The following VWA3B variants were observed in gnomAD, a reference collection of about 807,000 sequenced individuals.
The protein encoded by VWA3B is von Willebrand factor A domain containing 3B.
Under a neutral mutation model 158.3 loss-of-function variants are expected in VWA3B, and 138 were observed. The ratio of observed to expected loss-of-function variants is 0.87; its 90% confidence interval spans 0.76 to 1.00. The LOEUF (loss-of-function observed/expected upper bound fraction) is 1.00. Ranked by LOEUF, VWA3B falls within the 50% of genes least tolerant of loss-of-function variation. The pLI is 0.00. For missense variants in VWA3B, 1,555 were observed against 1,565.1 expected (o/e 0.99, Z 0.11); for synonymous variants, 596 against 587.3 (o/e 1.01, Z -0.21).
chr2:98,215,308 G>A (rs1443976264), intron 13 of VWA3B, among the ~76,000 whole-genome samples: 1 of 151,516 alleles, frequency 6.6e-6, no homozygotes, highest in Non-Finnish European at 1.5e-5. Context: ...GGGCCTGGTG[G>A]CGTGCGCCTG....
rs200133181 is a variant in VWA3B, at chr2:98,133,840, G to T, written c.889G>T (p.Glu297Ter). The T allele has an allele frequency of 6.2e-7, 1 of 1,614,048 alleles. No homozygotes were observed. Among genetic ancestry groups the T allele is most frequent in the South Asian group, 1.1e-5 (1 of 91,070 alleles). Residue 297 changes from glutamate to a stop codon, truncating the protein, a stop_gained, in exon 7 of 28, where the codon GAG becomes TAG. Transcript: ENST00000477737. LOFTEE classifies it high-confidence loss of function. ...ACGTTTCAGATTCCACGCATTTGCC[G>T]AGAGAACAGAGTGTGTAGAATTTCC... ...KTHSRFHAFA[E>*]RTECVEFPAF...
At chr2:98,213,816 T>C (rs1295719358) in intron 13 of VWA3B, among the ~76,000 whole-genome samples, 1 of 152,086 alleles carries the variant, frequency 6.6e-6, no homozygotes. Context: ...CAAGGTGTAT[T>C]TTTCTTTTTA....
At position 98,161,542 on chromosome 2, in the gene VWA3B, C is replaced by T. The variant is rs76184854; in HGVS notation, c.989-1309C>T. On this transcript the variant is annotated intron_variant, in intron 7 of 27. Transcript: ENST00000477737. ...AGACAGAAGGATGTGCTGAGATGAC[C>T]GAGGAGCAGGATAGAAAGAGTGTGG... Among the ~76,000 whole-genome samples, 389 of 152,188 alleles carry T rather than the reference C, an allele frequency of 2.6e-3. 3 individuals carry two copies. Among genetic ancestry groups the T allele is most frequent in the African/African-American group, 8.6e-3 (358 of 41,532 alleles).
intron 1 of VWA3B, among the ~76,000 whole-genome samples, chr2:98,092,366 T>C (rs916681871): frequency 1.3e-5 from 2 of 152,334 alleles, no homozygotes; most frequent in South Asian, 4.1e-4. Context: ...AAATTCCAGC[T>C]GGGCGCAGTG....
intron 19 of VWA3B, among the ~76,000 whole-genome samples, chr2:98,249,132 G>T (rs1470823127): frequency 6.6e-6 from 1 of 152,002 alleles, no homozygotes; most frequent in Admixed American, 6.5e-5. Flanking sequence ...TGACAGTATA[G>T]CTTGGCATTT....
intron 6 of VWA3B, among the ~76,000 whole-genome samples, chr2:98,129,222 A>AGTGTGTGT (rs1447456836): frequency 4.5e-5 from 5 of 110,400 alleles, no homozygotes; most frequent in South Asian, 2.8e-4. Flanking sequence ...AGAGAGAGAG[A>AGTGTGTGT]GAGTGTGTGT....
At position 98,250,303 on chromosome 2, in the gene VWA3B, G is replaced by A. The variant is rs1310140752; in HGVS notation, c.2674-15G>A. 2 of 1,600,012 alleles carry A rather than the reference G, an allele frequency of 1.2e-6. No homozygotes were observed. Among genetic ancestry groups the A allele is most frequent in the South Asian group, 2.2e-5 (2 of 89,038 alleles). ...ATCAAGTGACACTTTCCTTTCCTTTGCCATTGACATGCAGGTGTTCCCTCT... is the reference window on the plus strand; with the variant it reads ...ATCAAGTGACACTTTCCTTTCCTTTACCATTGACATGCAGGTGTTCCCTCT... On this transcript the variant is annotated splice_polypyrimidine_tract_variant and intron_variant, in intron 19 of 27. Transcript: ENST00000477737.
At chr2:98,197,106 C>G (rs1022596627) in intron 12 of VWA3B, among the ~76,000 whole-genome samples, 4 of 152,216 alleles carry the variant, frequency 2.6e-5, no homozygotes, top group South Asian at 2.1e-4. Flanking sequence ...TTAGTCTCTT[C>G]CAATCTGTGA....
At chr2:98,225,861 A>G (rs1447926592) in intron 14 of VWA3B, among the ~76,000 whole-genome samples, 1 of 152,274 alleles carries the variant, frequency 6.6e-6, no homozygotes, top group East Asian at 1.9e-4. Flanking sequence ...ATAAGATGAA[A>G]TATTTATGCA....
intron 21 of VWA3B, among the ~76,000 whole-genome samples, chr2:98,263,574 T>C (rs2105853798): frequency 6.6e-6 from 1 of 152,126 alleles, no homozygotes; most frequent in South Asian, 2.1e-4. Flanking sequence ...ATCCTTGCAT[T>C]CCAGGAATGA....
At chr2:98,208,241 A>T (rs554376304) in intron 12 of VWA3B, among the ~76,000 whole-genome samples, 1 of 152,060 alleles carries the variant, frequency 6.6e-6, no homozygotes, top group Non-Finnish European at 1.5e-5. Flanking sequence ...CCTTTAACCT[A>T]TCTACGTTGT....
intron 7 of VWA3B, among the ~76,000 whole-genome samples, chr2:98,159,716 T>A (rs771653065): frequency 6.6e-6 from 1 of 151,870 alleles, no homozygotes; most frequent in Non-Finnish European, 1.5e-5. Flanking sequence ...ACCTTGACAG[T>A]CAAGATACAT....
At chr2:98,262,384 C>A (rs2105849430) in intron 21 of VWA3B, among the ~76,000 whole-genome samples, 2 of 151,902 alleles carry the variant, frequency 1.3e-5, no homozygotes, top group African/African-American at 4.8e-5. Context: ...AGCTTTATCC[C>A]TGTTTTCTTC....
chr2:98,190,722 C>T (rs1009022023), intron 10 of VWA3B, among the ~76,000 whole-genome samples: 6 of 152,090 alleles, frequency 3.9e-5, no homozygotes, highest in African/African-American at 1.4e-4. Context: ...AAGAAGTCTC[C>T]TGTCATATTT....
At chr2:98,172,868 G>T (rs1166837272) in intron 8 of VWA3B, among the ~76,000 whole-genome samples, 1 of 152,182 alleles carries the variant, frequency 6.6e-6, no homozygotes, top group African/African-American at 2.4e-5. Flanking sequence ...TGTAGGTGGA[G>T]AATTCAGATA....
intron 19 of VWA3B, among the ~76,000 whole-genome samples, chr2:98,237,208 G>C (rs1037795214): frequency 6.6e-6 from 1 of 152,212 alleles, no homozygotes; most frequent in Non-Finnish European, 1.5e-5. Context: ...CTCTTTTTAA[G>C]CTGAGAGAAA....
At chr2:98,156,664 C>A in intron 7 of VWA3B, among the ~76,000 whole-genome samples, 1 of 111,300 alleles carries the variant, frequency 9.0e-6, no homozygotes, top group Non-Finnish European at 1.9e-5. Flanking sequence ...GAAAAAAACT[C>A]AGTTTTTTTT....
chr2:98,216,903 G>C (rs531977535), intron 13 of VWA3B: 1 of 1,296,898 alleles, frequency 7.7e-7, no homozygotes, highest in Non-Finnish European at 1.0e-6. Flanking sequence ...CAAGTCTCTC[G>C]CTCTGGAGCT....
chr2:98,227,993 T>G (rs562416245), intron 14 of VWA3B, among the ~76,000 whole-genome samples: 61 of 152,324 alleles, frequency 4.0e-4, no homozygotes, highest in African/African-American at 1.4e-3. Flanking sequence ...ACAGTTGGCT[T>G]TCTGTTAGAA....
Sources: gnomAD v4.1 joint callset for allele counts (sites outside exome capture counted in the v4.1 genomes callset) on GRCh38, gnomAD v4.1.1 for gene constraint, MANE v1.5 for transcripts, NCBI Gene and HGNC (gene_info 2026-07-23, HGNC 2026-07-21) for gene names.